MPP7: variants seen among roughly 807,000 people sequenced by gnomAD.
MPP7 encodes MAGUK p55 subfamily member 7.
Under a neutral mutation model 76.5 loss-of-function variants are expected in MPP7, and 60 were observed. That is an observed-to-expected ratio of 0.78 (90% CI 0.64 to 0.97). The LOEUF (loss-of-function observed/expected upper bound fraction) is 0.97. Ranked by LOEUF, MPP7 falls within the 50% of genes least tolerant of loss-of-function variation. The pLI, the probability that MPP7 is intolerant of heterozygous loss-of-function variation, is 0.00. For synonymous variants in MPP7, 237 were observed against 244.5 expected (o/e 0.97, Z 0.29); for missense variants, 641 against 694.0 (o/e 0.92, Z 0.86).
intron 11 of MPP7, chr10:28,118,661 T>A: frequency 1.0e-6 from 1 of 985,414 alleles, no homozygotes; most frequent in Non-Finnish European, 1.2e-6. Context: ...AGGGTTTTTT[T>A]CCTTGTGCCT....
At chr10:28,127,624 A>G (rs1017524194) in intron 6 of MPP7, among the ~76,000 whole-genome samples, 3 of 152,198 alleles carry the variant, frequency 2.0e-5, no homozygotes, top group African/African-American at 7.2e-5. Context: ...CTTATTCACT[A>G]TCACAAGAAC....
At position 28,125,084 on chromosome 10, in the gene MPP7, G is replaced by A. The variant is rs1289646570; in HGVS notation, c.455C>T (p.Thr152Ile). ...LVKNREPLGA[T>I]IKKDEQTGAI... ...CCCGGTCTGTTCATCCTTCTTAATG[G>A]TAGCTCCCTTTTAAGACAAAAACAA... The change falls in exon 7 of 17, where the codon ACC (threonine) becomes ATC (isoleucine). Residue 152 changes from threonine to isoleucine, a missense_variant. Thr to Ile is a moderately conservative substitution (Grantham distance 89). Coordinates refer to ENST00000683449, the MANE Select transcript of MPP7 (RefSeq NM_001318170.2). 3 of 1,613,780 alleles carry A rather than the reference G, an allele frequency of 1.9e-6. No individual in the cohort carries two copies. Among genetic ancestry groups the A allele is most frequent in the South Asian group, 2.2e-5 (2 of 91,074 alleles).
At chr10:28,235,052 C>A (rs148269992) in intron 2 of MPP7, among the ~76,000 whole-genome samples, 1,894 of 152,284 alleles carry the variant, frequency 0.012, 15 homozygotes, top group Non-Finnish European at 0.019. Context: ...TCAAGAGATC[C>A]ACCCACCTCA....
Position 28,120,219 on chromosome 10 carries a change from T to C in MPP7, c.862A>G (p.Ile288Val). 1.2e-6 allele frequency: 2 copies of C among 1,613,980 alleles called. No individual in the cohort carries two copies. Among genetic ancestry groups the C allele is most frequent in the Non-Finnish European group, 1.7e-6 (2 of 1,179,904 alleles). Residue 288 changes from isoleucine (I) to valine (V), a missense_variant, in exon 10 of 17, where the codon ATC (isoleucine) becomes GTC (valine). Physicochemically the swap from Ile to Val is conservative, Grantham distance 29. Transcript: ENST00000683449. ...CTTTCCTGGAAATGCTTTGAGGGGA[T>C]CAAGCCTGCCCTGGGGTTGGCATCA... ...EADANPRAGL[I>V]PSKHFQERRL...
chr10:28,065,683 G>A (rs903135343), intron 13 of MPP7, among the ~76,000 whole-genome samples: 9 of 151,966 alleles, frequency 5.9e-5, no homozygotes, highest in African/African-American at 9.7e-5. Flanking sequence ...GGGGAGATAC[G>A]GAAAAAAAGT....
At chr10:28,237,635 T>C (rs554115866) in intron 2 of MPP7, among the ~76,000 whole-genome samples, 2 of 152,334 alleles carry the variant, frequency 1.3e-5, no homozygotes, top group South Asian at 4.1e-4. Flanking sequence ...TTTGAGATTA[T>C]AGCACCAGTC....
intron 1 of MPP7, among the ~76,000 whole-genome samples, chr10:28,261,479 G>A (rs1839947739): frequency 6.6e-6 from 1 of 152,186 alleles, no homozygotes; most frequent in Non-Finnish European, 1.5e-5. Flanking sequence ...CCTAAATGTG[G>A]TCATAAGTGG....
At chr10:28,230,064 T>C (rs1306967989) in intron 2 of MPP7, among the ~76,000 whole-genome samples, 5 of 152,064 alleles carry the variant, frequency 3.3e-5, no homozygotes, top group African/African-American at 4.8e-5. Context: ...AAGGTAGAGA[T>C]TAATGTTGAA....
intron 11 of MPP7, among the ~76,000 whole-genome samples, chr10:28,108,508 T>A (rs1000733355): frequency 6.6e-6 from 1 of 151,322 alleles, no homozygotes. Context: ...TACAAAAAAA[T>A]TAGCTGGCCG....
chr10:28,093,821 G>T (rs1172102690), intron 11 of MPP7, among the ~76,000 whole-genome samples: 1 of 152,176 alleles, frequency 6.6e-6, no homozygotes, highest in Admixed American at 6.5e-5. Context: ...TTAAGGTGAT[G>T]TTGCATGAGT....
At chr10:28,313,363 G>A (rs1841300209) in intron 2 of MPP7, among the ~76,000 whole-genome samples, 1 of 152,022 alleles carries the variant, frequency 6.6e-6, no homozygotes, top group East Asian at 1.9e-4. Context: ...AAAATTAGCT[G>A]GGCGTGGTGA....
intron 1 of MPP7, among the ~76,000 whole-genome samples, chr10:28,264,036 C>A (rs1386218599): frequency 6.6e-6 from 1 of 152,180 alleles, no homozygotes; most frequent in Non-Finnish European, 1.5e-5. Context: ...GTGGCTCATG[C>A]CTGCAATCCC....
chr10:28,296,995 G>C (rs1036808210), intron 1 of MPP7, among the ~76,000 whole-genome samples: 19 of 151,526 alleles, frequency 1.3e-4, no homozygotes, highest in African/African-American at 4.6e-4. Flanking sequence ...CATAAATAAA[G>C]ACCAATAAAT....
intron 15 of MPP7, chr10:28,057,975 G>A (rs1851629475): frequency 1.3e-6 from 1 of 750,336 alleles, no homozygotes; most frequent in Admixed American, 4.6e-5. Flanking sequence ...TTTCCAGGAT[G>A]ACAGGTGCAG....
At chr10:28,115,090 T>TTGTG (rs985768546) in intron 11 of MPP7, among the ~76,000 whole-genome samples, 2 of 151,830 alleles carry the variant, frequency 1.3e-5, no homozygotes, top group African/African-American at 4.8e-5. Flanking sequence ...GTTTGTTTGT[T>TTGTG]TGTTTTGTTT....
At chr10:28,224,216 A>G (rs1838614538) in intron 2 of MPP7, among the ~76,000 whole-genome samples, 1 of 152,106 alleles carries the variant, frequency 6.6e-6, no homozygotes, top group Admixed American at 6.5e-5. Flanking sequence ...ACACAATTTC[A>G]CAGAGGTGAG....
At chr10:28,075,360 A>G (rs1852436412) in intron 12 of MPP7, among the ~76,000 whole-genome samples, 1 of 152,080 alleles carries the variant, frequency 6.6e-6, no homozygotes. Flanking sequence ...TGAACCACAG[A>G]GTGCAGAAAA....
Position 28,276,030 on chromosome 10 carries a change from C to CTT in MPP7, c.-132+26829_-132+26830dup, listed in dbSNP as rs537127115. On this transcript the variant is annotated intron_variant, in intron 1 of 16. Coordinates refer to ENST00000683449, the MANE Select transcript of MPP7 (RefSeq NM_001318170.2). ...TCTTGACCAAAAAGGCCATCACATA[C>CTT]TTTTTTTTTTTTTTTTTTGAGATGG... 5.2e-3 allele frequency among the ~76,000 whole-genome samples: 687 copies of CTT among 131,204 alleles called. 15 individuals are homozygous for CTT. Among genetic ancestry groups the CTT allele is most frequent in the African/African-American group, 0.018 (598 of 33,984 alleles). 86.1% of individuals were successfully genotyped at this position (131,204 alleles called of 152,430 possible). A position where few individuals can be genotyped will look rare whatever the true frequency, so the allele number is the denominator to read the frequency against.
intron 11 of MPP7, among the ~76,000 whole-genome samples, chr10:28,101,124 T>C (rs79324627): frequency 0.06 from 9,128 of 152,224 alleles, 434 homozygotes; most frequent in African/African-American, 0.12. Flanking sequence ...GGTTTCTTTC[T>C]GTCAGAAAAA....
Sources: gnomAD v4.1 joint callset for allele counts (sites outside exome capture counted in the v4.1 genomes callset) on GRCh38, gnomAD v4.1.1 for gene constraint, MANE v1.5 for transcripts, NCBI Gene and HGNC (gene_info 2026-07-23, HGNC 2026-07-21) for gene names.